The following SAXO1 variants were observed in gnomAD, a reference collection of about 807,000 sequenced individuals.
SAXO1 encodes stabilizer of axonemal microtubules 1.
Under a neutral mutation model 17.5 loss-of-function variants are expected in SAXO1, and 21 were observed. The observed-to-expected ratio is 1.20, with a 90% CI of 0.85 to 1.72. SAXO1 has a LOEUF of 1.72. Among genes scored for constraint, SAXO1 ranks in the 40% most tolerant of loss-of-function variants. The probability of loss-of-function intolerance (pLI) is 0.00; values close to 1 mark genes in which losing one functional copy is unlikely to be tolerated. For missense variants in SAXO1, 843 were observed against 596.0 expected (o/e 1.41, Z -4.32); for synonymous variants, 274 against 216.5 (o/e 1.27, Z -2.33).
chr9:18,932,224 G>A (rs946683252), intron 3 of SAXO1, among the ~76,000 whole-genome samples: 26 of 152,116 alleles, frequency 1.7e-4, no homozygotes, highest in South Asian at 4.1e-4. Flanking sequence ...GTTTGGATGC[G>A]GTAACTTCGT....
At chr9:19,027,404 C>A (rs916662358) in intron 1 of SAXO1, 6 of 760,520 alleles carry the variant, frequency 7.9e-6, no homozygotes, top group Admixed American at 1.8e-5. Flanking sequence ...TACAGTGACA[C>A]TGGGGGCTTG....
At chr9:19,026,932 G>C (rs1835498303) in intron 1 of SAXO1, 1 of 826,668 alleles carries the variant, frequency 1.2e-6, no homozygotes, top group East Asian at 2.8e-5. Flanking sequence ...GATGGAACTG[G>C]GGTGGAGGTG....
At chr9:19,024,805 C>T (rs1835405766) in intron 1 of SAXO1, among the ~76,000 whole-genome samples, 1 of 151,982 alleles carries the variant, frequency 6.6e-6, no homozygotes, top group African/African-American at 2.4e-5. Flanking sequence ...CCACCCATCC[C>T]GAGACATGTC....
intron 3 of SAXO1, among the ~76,000 whole-genome samples, chr9:18,936,081 GTT>G (rs1227743796): frequency 1.3e-5 from 2 of 152,148 alleles, no homozygotes; most frequent in African/African-American, 4.8e-5. Flanking sequence ...GATTTTCACT[GTT>G]TTGTCCAGTT....
chr9:18,929,133 C>A, intron 3 of SAXO1, 78 bp from the exon 4 acceptor site: 2 of 1,484,812 alleles, frequency 1.3e-6, no homozygotes, highest in Admixed American at 2.0e-5. Flanking sequence ...GCCCCAAGGT[C>A]TTAAGGCAGT....
In SAXO1 at chr9:18,928,556, C is replaced by A; in HGVS notation, c.921G>T (p.Val307=). The A allele has an allele frequency of 6.2e-7, 1 of 1,614,022 alleles. No homozygotes were observed. Residue 307 remains valine (V), a synonymous_variant, in exon 4 of 4, where the codon GTG becomes GTT. Coordinates refer to ENST00000380534, the MANE Select transcript of SAXO1 (RefSeq NM_153707.4). ...PEDRMDLLTT[V]QAHYTCPKGA... ...CCTTAGGGCATGTGTAATGGGCCTG[C>A]ACTGTTGTCAGAAGATCCATCCTGT... is the stretch of plus-strand genomic sequence containing the variant.
At chr9:18,999,228 A>G (rs1834141835) in intron 1 of SAXO1, among the ~76,000 whole-genome samples, 1 of 152,258 alleles carries the variant, frequency 6.6e-6, no homozygotes, top group Non-Finnish European at 1.5e-5. Context: ...GTGGAAAGAC[A>G]CACACAGGCT....
At chr9:18,965,414 C>G (rs1832674660) in intron 1 of SAXO1, among the ~76,000 whole-genome samples, 1 of 152,186 alleles carries the variant, frequency 6.6e-6, no homozygotes, top group African/African-American at 2.4e-5. Flanking sequence ...CTAGAACTTG[C>G]TTTATGAATC....
At chr9:18,967,222 G>A (rs534470343) in intron 1 of SAXO1, among the ~76,000 whole-genome samples, 1 of 152,320 alleles carries the variant, frequency 6.6e-6, no homozygotes, top group East Asian at 1.9e-4. Flanking sequence ...AGGCCTGGGG[G>A]TCAGGGACCC....
intron 1 of SAXO1, among the ~76,000 whole-genome samples, chr9:18,982,202 G>T (rs1833417174): frequency 6.6e-6 from 1 of 152,182 alleles, no homozygotes; most frequent in Non-Finnish European, 1.5e-5. Flanking sequence ...AACCAATGAA[G>T]ATACAGTTGC....
upstream of SAXO1, among the ~76,000 whole-genome samples, chr9:19,036,774 G>A (rs1267552004): frequency 6.6e-6 from 1 of 152,184 alleles, no homozygotes; most frequent in East Asian, 1.9e-4. Context: ...CAATGTGAAA[G>A]GGAAATGTCC....
chr9:19,028,655 A>G (rs910527266), intron 1 of SAXO1, among the ~76,000 whole-genome samples: 10 of 152,216 alleles, frequency 6.6e-5, no homozygotes, highest in African/African-American at 2.4e-4. Context: ...ATGACATTCT[A>G]TGGTAATAAT....
intron 1 of SAXO1, among the ~76,000 whole-genome samples, chr9:18,995,915 C>T (rs1438148154): frequency 6.6e-6 from 1 of 151,878 alleles, no homozygotes; most frequent in Admixed American, 6.6e-5. Flanking sequence ...CCCCATCTTA[C>T]CAAAAATACA....
At chr9:19,032,273 T>C (rs188753249) in intron 1 of SAXO1, among the ~76,000 whole-genome samples, 15 of 152,356 alleles carry the variant, frequency 9.8e-5, no homozygotes, top group East Asian at 3.9e-4. Flanking sequence ...CGTGGGACTC[T>C]GACTAAAGTC....
intron 1 of SAXO1, chr9:19,027,109 T>C (rs1463807025): frequency 1.1e-6 from 1 of 949,868 alleles, no homozygotes; most frequent in Non-Finnish European, 1.7e-6. Flanking sequence ...CTGGTGTACC[T>C]TGTCTCCAAC....
chr9:19,027,011 G>C, intron 1 of SAXO1: 5 of 859,572 alleles, frequency 5.8e-6, no homozygotes, highest in Non-Finnish European at 1.0e-5. Flanking sequence ...AGATCATGAA[G>C]AGTTAACTGT....
At chr9:19,029,624 G>C (rs1835667632) in intron 1 of SAXO1, among the ~76,000 whole-genome samples, 1 of 152,198 alleles carries the variant, frequency 6.6e-6, no homozygotes, top group African/African-American at 2.4e-5. Context: ...TCCAAATAAT[G>C]AGACTCAAGA....
chr9:18,932,923 G>C (rs1012647920), intron 3 of SAXO1, among the ~76,000 whole-genome samples: 10 of 152,144 alleles, frequency 6.6e-5, no homozygotes, highest in Non-Finnish European at 1.2e-4. Flanking sequence ...TAATTTTTTG[G>C]ATTCCTTGGT....
At chr9:18,998,462 A>G (rs1386062737) in intron 1 of SAXO1, among the ~76,000 whole-genome samples, 1 of 152,226 alleles carries the variant, frequency 6.6e-6, no homozygotes, top group East Asian at 1.9e-4. Context: ...ATTTGGGACT[A>G]TGTGAAAAGA....
Sources: gnomAD v4.1 joint callset for allele counts (sites outside exome capture counted in the v4.1 genomes callset) on GRCh38, gnomAD v4.1.1 for gene constraint, MANE v1.5 for transcripts, NCBI Gene and HGNC (gene_info 2026-07-23, HGNC 2026-07-21) for gene names.